Variants in IRAK3 observed in about 807,000 individuals in gnomAD.
IRAK3 encodes the protein interleukin 1 receptor associated kinase 3, also known as interleukin-1 receptor-associated kinase 3.
In IRAK3, 57 loss-of-function variants were observed where a neutral mutation model predicts 56.6. The observed-to-expected ratio is 1.01, with a 90% CI of 0.81 to 1.26. The LOEUF (loss-of-function observed/expected upper bound fraction) is 1.26. Among genes scored for constraint, IRAK3 ranks in the 50% most tolerant of loss-of-function variants. The pLI, the probability that IRAK3 is intolerant of heterozygous loss-of-function variation, is 0.00. For synonymous variants in IRAK3, 258 were observed against 255.7 expected (o/e 1.01, Z -0.09); for missense variants, 703 against 719.0 (o/e 0.98, Z 0.25).
chr12:66,189,250 G>T lies in IRAK3; in HGVS notation c.-50G>T, dbSNP rs1204113062. The T allele has an allele frequency of 3.3e-6, 5 of 1,531,254 alleles. No individual in the cohort carries two copies. Among genetic ancestry groups the T allele is most frequent in the Middle Eastern group, 1.8e-4 (1 of 5,552 alleles). The allele number at this position is 1,531,254 out of a possible 1,614,324, so 94.9% of individuals were successfully genotyped here. On this transcript the variant is annotated 5_prime_UTR_variant, in exon 1 of 12. Transcript: ENST00000261233. ...GGTTGTGTAACGGCCTGTCGCAGGCGTGCAGGGACCTGGACTCCGCCTCGT... is the reference window on the plus strand; with the variant it reads ...GGTTGTGTAACGGCCTGTCGCAGGCTTGCAGGGACCTGGACTCCGCCTCGT...
At chr12:66,193,142 G>GGATTACA (rs2136910374) in intron 1 of IRAK3, among the ~76,000 whole-genome samples, 1 of 152,000 alleles carries the variant, frequency 6.6e-6, no homozygotes, top group South Asian at 2.1e-4. Context: ...CGAGTAGCTG[G>GGATTACA]GATTACAGGC....
intron 8 of IRAK3, among the ~76,000 whole-genome samples, chr12:66,240,585 A>G (rs2052957411): frequency 6.6e-6 from 1 of 152,068 alleles, no homozygotes; most frequent in Non-Finnish European, 1.5e-5. Context: ...GAGGCAGGGC[A>G]TCTGGTGAGG....
intron 8 of IRAK3, among the ~76,000 whole-genome samples, chr12:66,240,636 T>G (rs1438240541): frequency 6.6e-6 from 1 of 151,830 alleles, no homozygotes; most frequent in Non-Finnish European, 1.5e-5. Context: ...AGACAGCACA[T>G]GTGTGCTGTT....
chr12:66,217,097 C>A, intron 5 of IRAK3, 74 bp from the exon 6 acceptor site: 1 of 1,041,716 alleles, frequency 9.6e-7, no homozygotes, highest in Non-Finnish European at 1.5e-6. Context: ...TTTAGGGAGA[C>A]TATAGACCCT....
chr12:66,213,236 C>T (rs934717069), intron 5 of IRAK3, among the ~76,000 whole-genome samples: 6 of 152,018 alleles, frequency 3.9e-5, no homozygotes, highest in African/African-American at 1.4e-4. Flanking sequence ...TTCACTGTCA[C>T]AAGAACAGCA....
chr12:66,244,692 C>T lies in IRAK3; in HGVS notation c.1086+8C>T. 1 of 1,604,732 alleles carries T rather than the reference C, an allele frequency of 6.2e-7. No individual in the cohort carries two copies. The highest frequency in any genetic ancestry group is 8.5e-7 in the Non-Finnish European group (1 of 1,171,508). On this transcript the variant is annotated splice_region_variant and intron_variant, in intron 9 of 11. Coordinates refer to ENST00000261233, the MANE Select transcript of IRAK3 (RefSeq NM_007199.3). Reference sequence around the variant, plus strand: ...GTCTACAGCTTTGGAATTGTGAGTACCAACTGCCAGTTAACAAAGGAGAGT... The same window carrying T: ...GTCTACAGCTTTGGAATTGTGAGTATCAACTGCCAGTTAACAAAGGAGAGT...
In IRAK3 at chr12:66,247,959, A is replaced by G; in HGVS notation, c.1579A>G (p.Arg527Gly). ...CTTGGACAAAAAGCCAGAGAGCAAG[A>G]GAAATGAGGAAGCTTGCAACATGCC... ...LSLDKKPESKRNEEACNMPSS... is the reference protein window; with the variant it reads ...LSLDKKPESKGNEEACNMPSS... The change falls in exon 12 of 12, where the codon AGA becomes GGA. Residue 527 changes from arginine to glycine, a missense_variant. Arg to Gly is a moderately radical substitution (Grantham distance 125, BLOSUM62 -2). Transcript: ENST00000261233. The G allele has an allele frequency of 1.2e-6, 2 of 1,612,820 alleles. No homozygotes were observed. Among genetic ancestry groups the G allele is most frequent in the South Asian group, 2.2e-5 (2 of 90,830 alleles).
At chr12:66,229,026 C>T (rs1251872910) in intron 8 of IRAK3, among the ~76,000 whole-genome samples, 1 of 152,098 alleles carries the variant, frequency 6.6e-6, no homozygotes, top group Non-Finnish European at 1.5e-5. Context: ...GTGAAATGAA[C>T]CTGTATTTAT....
intron 2 of IRAK3, among the ~76,000 whole-genome samples, chr12:66,204,797 CACACA>C (rs2052543753): frequency 6.8e-6 from 1 of 146,412 alleles, no homozygotes; most frequent in Admixed American, 6.8e-5. Flanking sequence ...CACACACACA[CACACA>C]CACACACACA....
At chr12:66,233,972 T>C (rs2052874609) in intron 8 of IRAK3, 3 of 1,338,092 alleles carry the variant, frequency 2.2e-6, no homozygotes, top group East Asian at 2.4e-5. Flanking sequence ...TTGTGCAAAA[T>C]TGTCAATAAT....
Position 66,253,707 on chromosome 12 carries a change from T to A in IRAK3, c.*5536T>A, listed in dbSNP as rs1271094312. On this transcript the variant is annotated 3_prime_UTR_variant, in exon 12 of 12. Transcript: ENST00000261233. ...GGGGGGTAAGGAGGTAGGAATGGCT[T>A]ACTTGCGGAAATGCAGGCTCATTGT... 1 of 152,180 alleles carries A rather than the reference T, an allele frequency of 6.6e-6. No individual in the cohort carries two copies. The highest frequency in any genetic ancestry group is 2.4e-5 in the African/African-American group (1 of 41,436). The allele number at this position is 152,180 out of a possible 1,614,324, so 9.4% of individuals were successfully genotyped here.
intron 8 of IRAK3, among the ~76,000 whole-genome samples, chr12:66,233,029 A>C (rs921610668): frequency 4.7e-5 from 7 of 150,140 alleles, no homozygotes; most frequent in Non-Finnish European, 1.0e-4. Context: ...TAAAAAGCCA[A>C]AATTTCAGCA....
intron 2 of IRAK3, among the ~76,000 whole-genome samples, chr12:66,208,536 A>G (rs750916315): frequency 2.0e-5 from 3 of 151,970 alleles, no homozygotes; most frequent in Non-Finnish European, 4.4e-5. Flanking sequence ...TGAGGCAGAC[A>G]GATCACTTGA....
Position 66,226,741 on chromosome 12 carries a change from ACTAGAGTTGG to A in IRAK3, c.675_684del (p.Glu226HisfsTer11). On this transcript the variant is annotated frameshift_variant, in exon 7 of 12. Coordinates refer to ENST00000261233, the MANE Select transcript of IRAK3 (RefSeq NM_007199.3). LOFTEE classifies it high-confidence loss of function. The stretch of plus-strand genomic sequence containing the variant: ...TTTCAAGGTTTCATCACCCAAACAT[ACTAGAGTTGG>A]CTGCATATTTTACAGAGACTGAGAA... 1 of 1,603,016 alleles carries A rather than the reference ACTAGAGTTGG, an allele frequency of 6.2e-7. No individual in the cohort carries two copies. The highest frequency in any genetic ancestry group is 8.5e-7 in the Non-Finnish European group (1 of 1,169,858).
At chr12:66,228,041 C>T (rs1001691334) in intron 7 of IRAK3, among the ~76,000 whole-genome samples, 14 of 152,034 alleles carry the variant, frequency 9.2e-5, no homozygotes, top group Admixed American at 9.2e-4. Flanking sequence ...TGAGTATTTT[C>T]GTTGTCTATA....
In IRAK3 at chr12:66,217,229, T is replaced by C; in HGVS notation, c.647T>C (p.Leu216Ser). Residue 216 changes from leucine (L) to serine (S), a missense_variant, in exon 6 of 12, where the codon TTA becomes TCA. Leu to Ser is a moderately radical substitution (Grantham distance 145, BLOSUM62 -2). Transcript: ENST00000261233. ...AGGTTTTTATCTGAGCTTGAAGTTT[T>C]ACTACTGTGAGTATGTTTTCTCTGG... ...WKRFLSELEV[L>S]LLFHHPNILE... is the part of the protein sequence containing the mutation. The C allele has an allele frequency of 6.2e-7, 1 of 1,607,190 alleles. No homozygotes were observed. Among genetic ancestry groups the C allele is most frequent in the Non-Finnish European group, 8.5e-7 (1 of 1,173,738 alleles).
chr12:66,197,607 T>C (rs2052467206), intron 1 of IRAK3: 2 of 985,348 alleles, frequency 2.0e-6, no homozygotes, highest in Non-Finnish European at 2.4e-6. Context: ...AATCCATGCA[T>C]GCAGGCAGTA....
intron 8 of IRAK3, 128 bp downstream of exon 8, chr12:66,228,498 T>C (rs761387255): frequency 6.8e-6 from 5 of 739,402 alleles, no homozygotes; most frequent in Non-Finnish European, 1.2e-5. Flanking sequence ...AATTCTCATC[T>C]AGGTATTTAA....
chr12:66,233,568 C>T (rs898603439), intron 8 of IRAK3, among the ~76,000 whole-genome samples: 2 of 151,644 alleles, frequency 1.3e-5, no homozygotes, highest in Non-Finnish European at 2.9e-5. Context: ...GACGGCAACA[C>T]TGAATTACAG....
Sources: allele counts gnomAD v4.1 joint callset (sites outside exome capture counted in the v4.1 genomes callset), GRCh38; gene constraint gnomAD v4.1.1; transcripts MANE v1.5; gene names NCBI Gene and HGNC (gene_info 2026-07-23, HGNC 2026-07-21).